Variants in C1orf21 observed in about 807,000 individuals in gnomAD.
C1orf21 encodes the protein chromosome 1 open reading frame 21, also known as uncharacterized protein C1orf21.
In C1orf21, 3 loss-of-function variants were observed where a neutral mutation model predicts 18.7. That is an observed-to-expected ratio of 0.16 (90% confidence interval 0.07 to 0.42). The LOEUF is 0.42. Ranked by LOEUF, C1orf21 falls within the 10% of genes least tolerant of loss-of-function variation. The pLI, the probability that C1orf21 is intolerant of heterozygous loss-of-function variation, is 0.99. For synonymous variants in C1orf21, 41 were observed against 46.4 expected, an observed-to-expected ratio of 0.88 and a Z score of 0.47; for missense variants, 104 against 143.6, an observed-to-expected ratio of 0.72 and a Z score of 1.41.
intron 3 of C1orf21, among the ~76,000 whole-genome samples, chr1:184,526,600 T>C (rs1658380814): frequency 6.6e-6 from 1 of 152,200 alleles, no homozygotes; most frequent in Admixed American, 6.5e-5. Flanking sequence ...TTGACAACTT[T>C]ATGGCCAACT....
At chr1:184,446,559 A>G (rs1657033087) in intron 1 of C1orf21, among the ~76,000 whole-genome samples, 1 of 152,178 alleles carries the variant, frequency 6.6e-6, no homozygotes, top group Admixed American at 6.6e-5. Context: ...TGATACAATC[A>G]GCAAAGTTCC....
chr1:184,567,342 C>G (rs1010984113), intron 3 of C1orf21: 5 of 469,424 alleles, frequency 1.1e-5, no homozygotes, highest in Non-Finnish European at 2.1e-5. Context: ...GAAAGCAGGA[C>G]CTGTTTCAGC....
intron 3 of C1orf21, among the ~76,000 whole-genome samples, chr1:184,533,645 C>T (rs1271290431): frequency 6.6e-6 from 1 of 152,080 alleles, no homozygotes. Flanking sequence ...TATTGCAATC[C>T]TCATTTCAAG....
At chr1:184,591,035 A>G (rs1352900511) in intron 4 of C1orf21, among the ~76,000 whole-genome samples, 8 of 152,212 alleles carry the variant, frequency 5.3e-5, no homozygotes, top group Non-Finnish European at 4.4e-5. Flanking sequence ...TAAGTAATCT[A>G]GAGATGATTT....
chr1:184,413,795 T>A (rs1383810795), intron 1 of C1orf21, among the ~76,000 whole-genome samples: 1 of 152,292 alleles, frequency 6.6e-6, no homozygotes, highest in East Asian at 1.9e-4. Flanking sequence ...TCTTCAGGCC[T>A]CTTTTCCCAT....
At chr1:184,465,028 C>T (rs573501816) in intron 1 of C1orf21, among the ~76,000 whole-genome samples, 1 of 152,284 alleles carries the variant, frequency 6.6e-6, no homozygotes, top group South Asian at 2.1e-4. Context: ...GCTTCAGCCT[C>T]CCAAAGTGTT....
At chr1:184,569,878 G>A (rs1478757920) in intron 3 of C1orf21, among the ~76,000 whole-genome samples, 1 of 152,186 alleles carries the variant, frequency 6.6e-6, no homozygotes, top group Admixed American at 6.5e-5. Context: ...CTATGGCATA[G>A]CCATATGTCC....
chr1:184,418,671 TTG>T (rs1656498584), intron 1 of C1orf21, among the ~76,000 whole-genome samples: 1 of 152,234 alleles, frequency 6.6e-6, no homozygotes, highest in Non-Finnish European at 1.5e-5. Flanking sequence ...TGCCTTTCTT[TTG>T]TGGATTCATT....
At chr1:184,548,214 AACACACACACACACACACAC>A (rs58174774) in intron 3 of C1orf21, among the ~76,000 whole-genome samples, 13 of 140,066 alleles carry the variant, frequency 9.3e-5, no homozygotes, top group South Asian at 2.4e-4. Context: ...TCAAATCCCC[AACACACACACACACACACAC>A]ACACACACAC....
At position 184,530,164 on chromosome 1, in the gene C1orf21, T is replaced by C. The variant is rs114832281; in HGVS notation, c.189+22482T>C. On this transcript the variant is annotated intron_variant, in intron 3 of 5. Coordinates refer to ENST00000235307, the MANE Select transcript of C1orf21 (RefSeq NM_030806.4). Reference sequence around the variant, plus strand: ...AGTTATTATTTTAAAACATATCCCATACATGCTCTATTCTTCTAGTCGTAA... The same window carrying C: ...AGTTATTATTTTAAAACATATCCCACACATGCTCTATTCTTCTAGTCGTAA... Among the ~76,000 whole-genome samples, 643 of 152,314 alleles carry C rather than the reference T, an allele frequency of 4.2e-3. 5 individuals are homozygous for C. The highest frequency in any genetic ancestry group is 6.4e-3 in the Non-Finnish European group (434 of 68,034).
At chr1:184,590,311 G>A (rs1253386745) in intron 3 of C1orf21, among the ~76,000 whole-genome samples, 1 of 152,172 alleles carries the variant, frequency 6.6e-6, no homozygotes, top group Non-Finnish European at 1.5e-5. Flanking sequence ...CACGGCTAGG[G>A]CCTTCAGCAA....
chr1:184,577,067 A>G (rs1476574108), intron 3 of C1orf21, among the ~76,000 whole-genome samples: 1 of 151,958 alleles, frequency 6.6e-6, no homozygotes, highest in East Asian at 1.9e-4. Flanking sequence ...CTGAAGAATG[A>G]TGTCCACATC....
At chr1:184,388,205 G>T (rs1655917299) in intron 1 of C1orf21, among the ~76,000 whole-genome samples, 1 of 152,090 alleles carries the variant, frequency 6.6e-6, no homozygotes, top group Non-Finnish European at 1.5e-5. Context: ...GGGCTTAAGG[G>T]CTCTCAGCAC....
At chr1:184,567,556 C>A in intron 3 of C1orf21, 2 of 501,990 alleles carry the variant, frequency 4.0e-6, no homozygotes, top group South Asian at 1.6e-5. Flanking sequence ...CCGGTGTGAT[C>A]AGCCTCCCTC....
intron 3 of C1orf21, among the ~76,000 whole-genome samples, chr1:184,510,925 G>A (rs369677785): frequency 6.6e-6 from 1 of 152,198 alleles, no homozygotes; most frequent in Non-Finnish European, 1.5e-5. Flanking sequence ...GAACCAAGGT[G>A]TTGGCAGGGA....
At chr1:184,521,225 T>G (rs1051980003) in intron 3 of C1orf21, among the ~76,000 whole-genome samples, 2 of 152,296 alleles carry the variant, frequency 1.3e-5, no homozygotes, top group African/African-American at 4.8e-5. Flanking sequence ...AGATCTGAAT[T>G]TCTTACAATG....
In C1orf21 at chr1:184,458,428, T is replaced by G. The variant is rs547647233; in HGVS notation, c.-124-18958T>G. On this transcript the variant is annotated intron_variant, in intron 1 of 5. Transcript: ENST00000235307. Reference sequence around the variant, plus strand: ...TAGTTATTCTTTCATCTGTGCTGGGTCCCTTTGGGGAATTAGATAAAAGGA... The same window carrying G: ...TAGTTATTCTTTCATCTGTGCTGGGGCCCTTTGGGGAATTAGATAAAAGGA... Among the ~76,000 whole-genome samples the G allele has an allele frequency of 8.3e-4, 127 of 152,302 alleles. 5 individuals are homozygous for G. The South Asian group carries it at 0.025, about 31-fold the overall frequency.
chr1:184,403,453 A>G (rs911772702), intron 1 of C1orf21, among the ~76,000 whole-genome samples: 1 of 152,220 alleles, frequency 6.6e-6, no homozygotes, highest in Non-Finnish European at 1.5e-5. Context: ...GATTAACAAA[A>G]TGCAGAAGGA....
chr1:184,427,068 G>GCT (rs1402662892), intron 1 of C1orf21, among the ~76,000 whole-genome samples: 1 of 152,130 alleles, frequency 6.6e-6, no homozygotes, highest in African/African-American at 2.4e-5. Flanking sequence ...GCTGAATCCA[G>GCT]CTCTTATTTT....
Sources: gnomAD v4.1 joint callset for allele counts (sites outside exome capture counted in the v4.1 genomes callset) on GRCh38, gnomAD v4.1.1 for gene constraint, MANE v1.5 for transcripts, NCBI Gene and HGNC (gene_info 2026-07-23, HGNC 2026-07-21) for gene names.